Variants in ANKRD30A observed in about 807,000 individuals in gnomAD.
ANKRD30A encodes ankyrin repeat domain-containing protein 30A.
ANKRD30A carries 170 observed loss-of-function variants against 166.3 expected under a neutral mutation model. That is an observed-to-expected ratio of 1.02 (90% CI 0.90 to 1.16). The LOEUF (loss-of-function observed/expected upper bound fraction) is 1.16. ANKRD30A is among the 50% of genes most tolerant of loss of function. The pLI, the probability that ANKRD30A is intolerant of heterozygous loss-of-function variation, is 0.00. For missense variants in ANKRD30A, 1,630 were observed against 1,518.0 expected, an observed-to-expected ratio of 1.07 and a Z score of -1.23; for synonymous variants, 564 against 508.9, an observed-to-expected ratio of 1.11 and a Z score of -1.46.
intron 2 of ANKRD30A, 96 bp from the exon 3 acceptor site, chr10:37,130,109 T>C (rs1004127100): frequency 8.6e-7 from 1 of 1,168,604 alleles, no homozygotes; most frequent in Non-Finnish European, 1.1e-6. Flanking sequence ...TTGAAACCTG[T>C]GGAATATTTA....
rs544603946 is a variant in ANKRD30A at position 37,220,699 on chromosome 10, T to C, written c.4185+802T>C. Among the ~76,000 whole-genome samples, 4 of 151,308 alleles carry C rather than the reference T, an allele frequency of 2.6e-5. No homozygotes were observed. In the South Asian group the frequency reaches 8.3e-4, roughly 31 times the overall value. ...CTATTTGAAGGCTCAAAGATTATCA[T>C]GTCCCAGAGAAAGATCATTGTAGCT... On this transcript the variant is annotated intron_variant, in intron 34 of 35. Transcript: ENST00000361713.
chr10:37,233,996 A>G (rs997909447), downstream of ANKRD30A, among the ~76,000 whole-genome samples: 2 of 152,200 alleles, frequency 1.3e-5, no homozygotes, highest in Non-Finnish European at 2.9e-5. Flanking sequence ...ATTTGGGAAT[A>G]TTGTTAATTT....
chr10:37,139,292 C>G (rs1490086178), intron 6 of ANKRD30A, among the ~76,000 whole-genome samples: 1 of 152,212 alleles, frequency 6.6e-6, no homozygotes, highest in East Asian at 1.9e-4. Context: ...GGATTCCGAG[C>G]TGATTACAGA....
At chr10:37,148,622 AT>A (rs938932555) in intron 9 of ANKRD30A, among the ~76,000 whole-genome samples, 5 of 152,074 alleles carry the variant, frequency 3.3e-5, no homozygotes, top group Non-Finnish European at 4.4e-5. Context: ...CAGAAAGTAA[AT>A]TATGGACACT....
At chr10:37,191,085 G>T (rs538556885) in intron 25 of ANKRD30A, among the ~76,000 whole-genome samples, 1 of 151,754 alleles carries the variant, frequency 6.6e-6, no homozygotes, top group African/African-American at 2.4e-5. Context: ...CATAGAAAAT[G>T]TTATTAATAT....
intron 16 of ANKRD30A, 38 bp from the exon 17 acceptor site, chr10:37,162,738 C>T (rs1374292892): frequency 3.7e-6 from 6 of 1,613,240 alleles, no homozygotes; most frequent in Non-Finnish European, 5.1e-6. Flanking sequence ...GTGAAGTATA[C>T]ATTCTTTATT....
chr10:37,254,243 A>G, the ANKRD30A span, among the ~76,000 whole-genome samples: 2 of 152,186 alleles, frequency 1.3e-5, no homozygotes, highest in Admixed American at 1.3e-4. Context: ...TAGGAATGGA[A>G]TTGCTAGGTC....
chr10:37,233,279 G>A (rs113314164), downstream of ANKRD30A, among the ~76,000 whole-genome samples: 3 of 152,212 alleles, frequency 2.0e-5, no homozygotes, highest in African/African-American at 7.2e-5. Context: ...TGGAAAAAGA[G>A]TGATATGGTC....
chr10:37,260,690 CGG>C, the ANKRD30A span, among the ~76,000 whole-genome samples: 1 of 152,256 alleles, frequency 6.6e-6, no homozygotes, highest in South Asian at 2.1e-4. Context: ...ATGGGAAAAT[CGG>C]CAGGCCCAGA....
the ANKRD30A span, chr10:37,248,167 G>A: frequency 3.2e-6 from 2 of 634,312 alleles, no homozygotes; most frequent in Non-Finnish European, 6.2e-6. Flanking sequence ...CAGAGGTCTT[G>A]CACTCGGGAG....
intron 25 of ANKRD30A, among the ~76,000 whole-genome samples, chr10:37,191,325 G>T (rs1352953796): frequency 6.6e-6 from 1 of 151,874 alleles, no homozygotes; most frequent in African/African-American, 2.4e-5. Context: ...TATCCAAGCT[G>T]ATCAATTCAT....
Position 37,125,909 on chromosome 10 carries a change from A to G in ANKRD30A, c.122A>G (p.Lys41Arg), listed in dbSNP as rs778232823. 3 of 1,602,206 alleles carry G rather than the reference A, an allele frequency of 1.9e-6. No homozygotes were observed. The Admixed American group carries it at 5.0e-5, about 27-fold the overall frequency. Residue 41 changes from lysine (K) to arginine (R), a missense_variant, in exon 1 of 36, where the codon AAG (lysine) becomes AGG (arginine). By Grantham distance (26) the Lys-to-Arg change is conservative (BLOSUM62 2). Around this residue, in one of 4 missense-constraint regions of ANKRD30A, gnomAD observed 904 missense variants for 818.5 expected, o/e 1.10. Transcript: ENST00000361713. ...ATCGTCCACTCTGGGGATCTTAGAA[A>G]GATCCATAAAGCTGCCTCCCGGGGA... ...SYIVHSGDLR[K>R]IHKAASRGQV... is the part of the protein sequence containing the mutation.
chr10:37,192,173 A>T (rs1229437790), intron 25 of ANKRD30A, among the ~76,000 whole-genome samples: 4 of 151,956 alleles, frequency 2.6e-5, no homozygotes, highest in African/African-American at 9.7e-5. Context: ...AGTAGCTGAG[A>T]TTACAGGCCT....
rs140820116 is a variant in ANKRD30A, at chr10:37,213,115, G to A, written c.2870-3066G>A. On this transcript the variant is annotated intron_variant, in intron 31 of 35. Transcript: ENST00000361713. Reference sequence around the variant, plus strand: ...TGTTCAAGTTTTCTATCATTTTTGCGTTTTATTCGTTCCATCTCTGATGTT... The same window carrying A: ...TGTTCAAGTTTTCTATCATTTTTGCATTTTATTCGTTCCATCTCTGATGTT... Among the ~76,000 whole-genome samples, 8 of 151,728 alleles carry A rather than the reference G, an allele frequency of 5.3e-5. No homozygotes were observed. The East Asian group carries it at 5.8e-4, about 11-fold the overall frequency.
chr10:37,194,824 A>G (rs191064281), intron 27 of ANKRD30A, among the ~76,000 whole-genome samples: 1 of 152,126 alleles, frequency 6.6e-6, no homozygotes, highest in African/African-American at 2.4e-5. Flanking sequence ...TCTAGCCACT[A>G]AAAGTCGAAA....
chr10:37,198,398 A>G (rs1381867759), intron 29 of ANKRD30A, among the ~76,000 whole-genome samples: 3 of 152,146 alleles, frequency 2.0e-5, no homozygotes, highest in South Asian at 4.1e-4. Context: ...TGACAGTACC[A>G]TAGTTAACTG....
the ANKRD30A span, among the ~76,000 whole-genome samples, chr10:37,238,655 GA>G: frequency 6.6e-6 from 1 of 152,110 alleles, no homozygotes; most frequent in South Asian, 2.1e-4. Flanking sequence ...AGGCTATAAA[GA>G]AGTAATGTAA....
intron 1 of ANKRD30A, 36 bp downstream of exon 1, chr10:37,126,044 A>C: frequency 1.0e-6 from 1 of 979,606 alleles, no homozygotes; most frequent in Non-Finnish European, 1.5e-6. Flanking sequence ...CTGCAGGAGG[A>C]GGTGGGGGCG....
At chr10:37,130,458 T>C in intron 3 of ANKRD30A, 80 bp downstream of exon 3, 2 of 1,150,232 alleles carry the variant, frequency 1.7e-6, no homozygotes, top group African/African-American at 1.6e-5. Flanking sequence ...TTTTTTATAT[T>C]TGGAAGCTCA....
Sources: allele counts gnomAD v4.1 joint callset (sites outside exome capture counted in the v4.1 genomes callset), GRCh38; gene constraint gnomAD v4.1.1; regional missense constraint gnomAD v4.1.1; transcripts MANE v1.5; gene names NCBI Gene and HGNC (gene_info 2026-07-23, HGNC 2026-07-21).